The following CSNK1G1 variants were observed in gnomAD, a reference collection of about 807,000 sequenced individuals.
The protein encoded by CSNK1G1 is casein kinase 1 gamma 1, also known as casein kinase I isoform gamma-1.
A neutral mutation model predicts 59.6 loss-of-function variants in CSNK1G1; 22 were observed. The observed-to-expected ratio is 0.37, with a 90% CI of 0.26 to 0.53. The LOEUF is 0.53. CSNK1G1 is among the 20% of genes least tolerant of loss of function. The pLI, the probability that CSNK1G1 is intolerant of heterozygous loss-of-function variation, is 0.89. For missense variants in CSNK1G1, 384 were observed against 519.5 expected, an observed-to-expected ratio of 0.74 and a Z score of 2.54; for synonymous variants, 179 against 177.1, an observed-to-expected ratio of 1.01 and a Z score of -0.08.
chr15:64,300,866 A>G, intron 1 of CSNK1G1, 143 bp from the exon 2 acceptor site: 1 of 433,586 alleles, frequency 2.3e-6, no homozygotes, highest in Non-Finnish European at 3.9e-6. Context: ...CTATCCTCCA[A>G]TAGTTTAACC....
intron 4 of CSNK1G1, among the ~76,000 whole-genome samples, chr15:64,233,366 C>CTCT (rs2082573585): frequency 2.0e-5 from 3 of 151,648 alleles, no homozygotes; most frequent in African/African-American, 4.8e-5. Context: ...CTCTTTCTCT[C>CTCT]TTTTTTTTAC....
chr15:64,302,320 C>T (rs886733924), intron 1 of CSNK1G1, among the ~76,000 whole-genome samples: 2 of 152,036 alleles, frequency 1.3e-5, no homozygotes, highest in African/African-American at 4.8e-5. Context: ...AGGCTGGTCT[C>T]GAACTCCTGA....
chr15:64,352,720 C>T (rs1385164886), intron 1 of CSNK1G1, among the ~76,000 whole-genome samples: 2 of 151,304 alleles, frequency 1.3e-5, no homozygotes, highest in African/African-American at 2.4e-5. Flanking sequence ...GCTAGGATTA[C>T]AGGCATGAGC....
intron 1 of CSNK1G1, among the ~76,000 whole-genome samples, chr15:64,340,159 T>C (rs538882970): frequency 1.1e-4 from 16 of 152,306 alleles, no homozygotes; most frequent in African/African-American, 2.9e-4. Context: ...TTTGAATTTG[T>C]TGAGATTTTC....
intron 4 of CSNK1G1, among the ~76,000 whole-genome samples, chr15:64,232,840 C>T (rs145059778): frequency 4.1e-4 from 62 of 151,992 alleles, no homozygotes; most frequent in African/African-American, 1.5e-3. Context: ...AAGAGAAATA[C>T]GAGTAAAGAC....
chr15:64,301,992 T>C (rs1895370944), intron 1 of CSNK1G1, among the ~76,000 whole-genome samples: 1 of 152,206 alleles, frequency 6.6e-6, no homozygotes, highest in South Asian at 2.1e-4. Context: ...ACCTATACTC[T>C]AAACTTCCTG....
chr15:64,308,227 T>A lies in CSNK1G1; in HGVS notation c.-224-7504A>T, dbSNP rs186205362. 4.6e-5 allele frequency among the ~76,000 whole-genome samples: 7 copies of A among 152,262 alleles called. No homozygotes were observed. In the East Asian group the frequency reaches 1.4e-3, roughly 29 times the overall value. ...TCAGTGAAAACAACTAATCTCAATT[T>A]CATAAATTCGTCTGTTCTACCTGTT... On this transcript the variant is annotated intron_variant, in intron 1 of 11. Coordinates refer to ENST00000303052, the MANE Select transcript of CSNK1G1 (RefSeq NM_022048.5).
At chr15:64,226,700 T>C (rs968515282) in intron 4 of CSNK1G1, among the ~76,000 whole-genome samples, 3 of 152,194 alleles carry the variant, frequency 2.0e-5, no homozygotes, top group Non-Finnish European at 4.4e-5. Context: ...CCACCTTCCT[T>C]AGTACTGTAG....
chr15:64,337,914 G>C (rs1897474637), intron 1 of CSNK1G1, among the ~76,000 whole-genome samples: 1 of 152,132 alleles, frequency 6.6e-6, no homozygotes, highest in South Asian at 2.1e-4. Context: ...TCCTGTGTCT[G>C]ACTTATTATA....
intron 4 of CSNK1G1, among the ~76,000 whole-genome samples, chr15:64,233,284 T>C (rs188854937): frequency 6.6e-5 from 10 of 152,360 alleles, no homozygotes; most frequent in African/African-American, 2.4e-4. Flanking sequence ...TTAAGGAAAT[T>C]ACTGGTCCAA....
At chr15:64,287,359 T>G (rs1004294574) in intron 2 of CSNK1G1, among the ~76,000 whole-genome samples, 3 of 152,234 alleles carry the variant, frequency 2.0e-5, no homozygotes, top group African/African-American at 7.2e-5. Context: ...TTGGGAAGCC[T>G]GGGACCATTC....
In CSNK1G1 at chr15:64,227,072, AG is replaced by A. The variant is rs949247186; in HGVS notation, c.293-10360del. Among the ~76,000 whole-genome samples, 8 of 152,378 alleles carry A rather than the reference AG, an allele frequency of 5.3e-5. No individual in the cohort carries two copies. In the South Asian group the frequency reaches 6.2e-4, roughly 12 times the overall value. On this transcript the variant is annotated intron_variant, in intron 4 of 11. Coordinates refer to ENST00000303052, the MANE Select transcript of CSNK1G1 (RefSeq NM_022048.5). ...GTAGATATGGTTAAAATAAGTACTAAGTAAATTAATAACTACAACTCAGTGC... is the reference window on the plus strand; with the variant it reads ...GTAGATATGGTTAAAATAAGTACTAATAAATTAATAACTACAACTCAGTGC...
At chr15:64,251,678 G>T in intron 3 of CSNK1G1, 97 bp from the exon 4 acceptor site, 1 of 797,814 alleles carries the variant, frequency 1.3e-6, no homozygotes, top group Non-Finnish European at 2.1e-6. Flanking sequence ...ATCACCCAAT[G>T]TTTTAGAGAT....
At position 64,188,185 on chromosome 15, in the gene CSNK1G1, T is replaced by C. The variant is rs2081923299; in HGVS notation, c.1108-7731A>G. Among the ~76,000 whole-genome samples, 1 of 152,232 alleles carries C rather than the reference T, an allele frequency of 6.6e-6. No individual in the cohort carries two copies. ...AATCATATAGATGTTTCTTAGTCAA[T>C]GACAACAGGAAGTAATCATTTTAAC... On this transcript the variant is annotated intron_variant, in intron 10 of 11. Transcript: ENST00000303052. This position sits in a 1 kb window ranked among gnomAD's most constrained non-coding sequence, Gnocchi z 4.2.
rs780071536 is a variant in CSNK1G1 at position 64,207,537 on chromosome 15, C to A, written c.737G>T (p.Arg246Leu). 6.2e-7 allele frequency: 1 copy of A among 1,613,874 alleles called. No individual in the cohort carries two copies. Among genetic ancestry groups the A allele is most frequent in the Non-Finnish European group, 8.5e-7 (1 of 1,179,914 alleles). Residue 246 changes from arginine (R) to leucine (L), a missense_variant, in exon 7 of 12, where the codon CGA (arginine) becomes CTA (leucine). Arg to Leu is a moderately radical substitution (Grantham distance 102). Around this residue, in one of 3 missense-constraint regions of CSNK1G1, gnomAD observed 325 missense variants for 440.9 expected, o/e 0.74. Coordinates refer to ENST00000303052, the MANE Select transcript of CSNK1G1 (RefSeq NM_022048.5). ...GAGTCCTTGCCAGGGGAGGCTGCCT[C>A]GAAGGAAATACATGAACATATGGCC... ...ALGHMFMYFL[R>L]GSLPWQGLKA...
At chr15:64,320,421 G>A (rs1164875534) in intron 1 of CSNK1G1, among the ~76,000 whole-genome samples, 3 of 151,528 alleles carry the variant, frequency 2.0e-5, no homozygotes, top group African/African-American at 7.3e-5. Context: ...GCTCACGCCT[G>A]TAATCCCAGC....
Position 64,171,804 on chromosome 15 carries a change from TTTC to T in CSNK1G1, c.*124_*126del. 1 of 851,596 alleles carries T rather than the reference TTTC, an allele frequency of 1.2e-6. No homozygotes were observed. Among genetic ancestry groups the T allele is most frequent in the Non-Finnish European group, 2.0e-6 (1 of 508,094 alleles). The allele number at this position is 851,596 out of a possible 1,614,324, so 52.8% of individuals were successfully genotyped here. On this transcript the variant is annotated 3_prime_UTR_variant, in exon 12 of 12. Transcript: ENST00000303052. This position sits in a 1 kb window ranked among gnomAD's most constrained non-coding sequence, Gnocchi z 4.8. ...ACTGGCCCCTTCTGGGGGCATCTGT[TTTC>T]TTCTTTTTGGTTTGGATATCCACCC...
At position 64,200,959 on chromosome 15, in the gene CSNK1G1, A is replaced by G. The variant is rs965519766; in HGVS notation, c.1107+2123T>C. On this transcript the variant is annotated intron_variant, in intron 10 of 11. Coordinates refer to ENST00000303052, the MANE Select transcript of CSNK1G1 (RefSeq NM_022048.5). This position sits in a 1 kb window ranked among gnomAD's most constrained non-coding sequence, Gnocchi z 4.3. ...TTCAAGAAGTAAGGTATTTCATCAG[A>G]GAAGAAAATAACTTGATCAAATTGC... 1.3e-5 allele frequency among the ~76,000 whole-genome samples: 2 copies of G among 152,196 alleles called. No individual in the cohort carries two copies. The highest frequency in any genetic ancestry group is 4.8e-5 in the African/African-American group (2 of 41,440).
At chr15:64,232,776 C>A (rs1270997458) in intron 4 of CSNK1G1, among the ~76,000 whole-genome samples, 1 of 151,978 alleles carries the variant, frequency 6.6e-6, no homozygotes, top group African/African-American at 2.4e-5. Context: ...CTACTCAATG[C>A]CAGAGAAATG....
Sources: gnomAD v4.1 joint callset for allele counts (sites outside exome capture counted in the v4.1 genomes callset) on GRCh38, gnomAD v4.1.1 for gene constraint, gnomAD v4.1.1 regional missense constraint, Gnocchi (gnomAD v3.1) non-coding constraint, MANE v1.5 for transcripts, NCBI Gene and HGNC (gene_info 2026-07-23, HGNC 2026-07-21) for gene names.